MORN5: variants seen among roughly 807,000 people sequenced by gnomAD.
The protein encoded by MORN5 is MORN repeat containing 5.
In MORN5, 21 loss-of-function variants were observed where a neutral mutation model predicts 22.1. That is an observed-to-expected ratio of 0.95 (90% CI 0.67 to 1.37). The LOEUF (loss-of-function observed/expected upper bound fraction) is 1.37. Among genes scored for constraint, MORN5 ranks in the 40% most tolerant of loss-of-function variants. The probability of loss-of-function intolerance (pLI) is 0.00; values close to 1 mark genes in which losing one functional copy is unlikely to be tolerated. For synonymous variants in MORN5, 73 were observed against 74.0 expected, an observed-to-expected ratio of 0.99 and a Z score of 0.07; for missense variants, 211 against 215.1, an observed-to-expected ratio of 0.98 and a Z score of 0.12.
chr9:122,180,282 C>CTTTTTTTTTTT (rs938997436), intron 4 of MORN5, among the ~76,000 whole-genome samples: 6 of 107,526 alleles, frequency 5.6e-5, no homozygotes, highest in African/African-American at 1.8e-4. Flanking sequence ...ACATTTTCTT[C>CTTTTTTTTTTT]TTTTTTTTTT....
intron 4 of MORN5, among the ~76,000 whole-genome samples, chr9:122,186,917 G>C (rs1829649318): frequency 6.6e-6 from 1 of 152,212 alleles, no homozygotes; most frequent in Non-Finnish European, 1.5e-5. Flanking sequence ...GAGGCGGACA[G>C]GGTCACAGGC....
chr9:122,163,619 A>T (rs1829233691), intron 1 of MORN5, among the ~76,000 whole-genome samples: 1 of 152,206 alleles, frequency 6.6e-6, no homozygotes, highest in Non-Finnish European at 1.5e-5. Flanking sequence ...CGTATGGAGT[A>T]GAGCTGGCAG....
chr9:122,167,056 C>CTTTTTTT, intron 2 of MORN5, 141 bp downstream of exon 2: 1 of 445,886 alleles, frequency 2.2e-6, no homozygotes, highest in Non-Finnish European at 3.6e-6. Context: ...ACTCCCCCCA[C>CTTTTTTT]TTTTTTTTTT....
chr9:122,165,154 G>A (rs1292112591), intron 1 of MORN5, among the ~76,000 whole-genome samples: 1 of 152,178 alleles, frequency 6.6e-6, no homozygotes, highest in Non-Finnish European at 1.5e-5. Context: ...GAGGAATGGA[G>A]AAGGAATGAA....
At chr9:122,167,939 C>T (rs375949942) in intron 2 of MORN5, among the ~76,000 whole-genome samples, 3 of 152,170 alleles carry the variant, frequency 2.0e-5, no homozygotes, top group Non-Finnish European at 2.9e-5. Flanking sequence ...CGTCACCCTT[C>T]GTCCCTCTGC....
intron 4 of MORN5, among the ~76,000 whole-genome samples, chr9:122,189,669 T>C (rs1829716145): frequency 6.6e-6 from 1 of 152,088 alleles, no homozygotes; most frequent in Non-Finnish European, 1.5e-5. Flanking sequence ...TGCAGTGGCA[T>C]GATCTCGGCT....
intron 4 of MORN5, among the ~76,000 whole-genome samples, chr9:122,192,459 C>G (rs530281782): frequency 6.6e-6 from 1 of 152,228 alleles, no homozygotes; most frequent in Middle Eastern, 3.2e-3. Context: ...CACACTGCCC[C>G]CTCCCTGCGA....
chr9:122,160,654 G>A (rs1235103470), intron 1 of MORN5, among the ~76,000 whole-genome samples: 1 of 148,474 alleles, frequency 6.7e-6, no homozygotes, highest in African/African-American at 2.5e-5. Context: ...TCGCTCTGTT[G>A]CCCTGGCTGG....
chr9:122,181,053 T>C (rs1829531458), intron 4 of MORN5, among the ~76,000 whole-genome samples: 1 of 152,278 alleles, frequency 6.6e-6, no homozygotes, highest in South Asian at 2.1e-4. Context: ...ACTTATGATT[T>C]TGAATAATAA....
chr9:122,198,289 T>C (rs887652353), intron 4 of MORN5, among the ~76,000 whole-genome samples: 1 of 152,212 alleles, frequency 6.6e-6, no homozygotes, highest in Non-Finnish European at 1.5e-5. Flanking sequence ...GGGGATCTGA[T>C]TCAGGCAAGC....
chr9:122,197,719 G>T lies in MORN5; in HGVS notation c.440-2166G>T, dbSNP rs911030126. On this transcript the variant is annotated intron_variant, in intron 4 of 4. Coordinates refer to ENST00000373764, the MANE Select transcript of MORN5 (RefSeq NM_198469.4). This position sits in a 1 kb window ranked among gnomAD's most constrained non-coding sequence, Gnocchi z 5.7. Reference sequence around the variant, plus strand: ...TACACCCAGTTTGTCTGGTTTCAGGGGTTACTGCTGAAGAGGTTGCAGCTG... The same window carrying T: ...TACACCCAGTTTGTCTGGTTTCAGGTGTTACTGCTGAAGAGGTTGCAGCTG... Among the ~76,000 whole-genome samples the T allele has an allele frequency of 6.6e-6, 1 of 152,206 alleles. No homozygotes were observed. The highest frequency in any genetic ancestry group is 2.4e-5 in the African/African-American group (1 of 41,446).
chr9:122,185,200 C>T (rs1379323392), intron 4 of MORN5, among the ~76,000 whole-genome samples: 4 of 151,840 alleles, frequency 2.6e-5, no homozygotes, highest in East Asian at 3.9e-4. Context: ...GGACTACAGG[C>T]GCCCACCACC....
intron 3 of MORN5, among the ~76,000 whole-genome samples, chr9:122,172,863 A>G (rs1482460334): frequency 6.6e-6 from 1 of 152,196 alleles, no homozygotes; most frequent in African/African-American, 2.4e-5. Flanking sequence ...CTAAGCTCCT[A>G]CTGTATGTCA....
intron 4 of MORN5, among the ~76,000 whole-genome samples, chr9:122,176,000 C>G (rs905886441): frequency 2.0e-4 from 31 of 151,974 alleles, no homozygotes; most frequent in Admixed American, 7.2e-4. Flanking sequence ...TGTAGTCCCA[C>G]CTACTCAGGA....
chr9:122,179,195 G>A (rs1351568636), intron 4 of MORN5, among the ~76,000 whole-genome samples: 2 of 152,134 alleles, frequency 1.3e-5, no homozygotes, highest in African/African-American at 4.8e-5. Context: ...AGTAATTCAG[G>A]GGCATGAGCT....
At chr9:122,196,583 A>G (rs866200127) in intron 4 of MORN5, among the ~76,000 whole-genome samples, 3 of 152,246 alleles carry the variant, frequency 2.0e-5, no homozygotes, top group Middle Eastern at 3.4e-3. Flanking sequence ...CACCCACCTC[A>G]GCCTCCCAAA....
chr9:122,164,251 G>A (rs1182375470), intron 1 of MORN5, among the ~76,000 whole-genome samples: 1 of 152,128 alleles, frequency 6.6e-6, no homozygotes, highest in African/African-American at 2.4e-5. Flanking sequence ...AAAAGAAGAA[G>A]GGAGGAGAAG....
At chr9:122,176,500 C>T (rs555249879) in intron 4 of MORN5, among the ~76,000 whole-genome samples, 10 of 152,250 alleles carry the variant, frequency 6.6e-5, no homozygotes, top group African/African-American at 2.4e-4. Context: ...TAATTATTTG[C>T]TTAATATCTG....
At chr9:122,163,461 G>A (rs1037099373) in intron 1 of MORN5, among the ~76,000 whole-genome samples, 21 of 152,212 alleles carry the variant, frequency 1.4e-4, no homozygotes, top group Admixed American at 7.9e-4. Context: ...AGTCGGAGCC[G>A]TCCTTAAAGG....
Sources: allele counts gnomAD v4.1 joint callset (sites outside exome capture counted in the v4.1 genomes callset), GRCh38; gene constraint gnomAD v4.1.1; non-coding constraint Gnocchi (gnomAD v3.1); transcripts MANE v1.5; gene names NCBI Gene and HGNC (gene_info 2026-07-23, HGNC 2026-07-21).